Variants in STOML2 observed in about 807,000 individuals in gnomAD.
The protein encoded by STOML2 is stomatin-like protein 2, mitochondrial.
STOML2 carries 22 observed loss-of-function variants against 45.7 expected under a neutral mutation model. The observed-to-expected ratio is 0.48, with a 90% CI of 0.34 to 0.69. STOML2 has a LOEUF of 0.69. Among genes scored for constraint, STOML2 ranks in the 30% least tolerant of loss-of-function variants. The probability of loss-of-function intolerance (pLI) is 0.01; values close to 1 mark genes in which losing one functional copy is unlikely to be tolerated. For synonymous variants in STOML2, 181 were observed against 182.7 expected, an observed-to-expected ratio of 0.99 and a Z score of 0.08; for missense variants, 359 against 466.9, an observed-to-expected ratio of 0.77 and a Z score of 2.13.
chr9:35,100,059 T>C lies in STOML2; in HGVS notation c.1047A>G (p.Glu349=), dbSNP rs1265630733. The C allele has an allele frequency of 1.2e-6, 2 of 1,614,076 alleles. No individual in the cohort carries two copies. The highest frequency in any genetic ancestry group is 2.7e-5 in the African/African-American group (2 of 74,932). ...VQGTDASLDE[E]LDRVKMS The stretch of plus-strand genomic sequence containing the variant: ...ACTAACTCATCTTGACTCGATCAAG[T>C]TCCTCATCAAGACTTGCATCTGTAC... The change falls in exon 10 of 10, where the codon GAA becomes GAG. Residue 349 remains glutamate, a synonymous_variant. Transcript: ENST00000356493.
chr9:35,101,518 G>C lies in STOML2; in HGVS notation c.487C>G (p.Gln163Glu). Residue 163 changes from glutamine to glutamate, a missense_variant, in exon 6 of 10, where the codon CAA (glutamine) becomes GAA (glutamate). This residue lies in a region of STOML2 where 285 missense variants were observed against 422.0 expected (regional missense o/e 0.68). Coordinates refer to ENST00000356493, the MANE Select transcript of STOML2 (RefSeq NM_013442.3). This position sits in a 1 kb window ranked among gnomAD's most constrained non-coding sequence, Gnocchi z 4.3. Reference sequence around the variant, plus strand: ...CGGATACCCCAGCAGTCAGCAGCTTGGTTGATGGCATCCACAATGCTGGCA... The same window carrying C: ...CGGATACCCCAGCAGTCAGCAGCTTCGTTGATGGCATCCACAATGCTGGCA... Reference protein sequence around the residue: ...LNASIVDAINQAADCWGIRCL... With the variant: ...LNASIVDAINEAADCWGIRCL... The C allele has an allele frequency of 6.2e-7, 1 of 1,614,104 alleles. No individual in the cohort carries two copies. The highest frequency in any genetic ancestry group is 8.5e-7 in the Non-Finnish European group (1 of 1,180,032).
chr9:35,100,657 C>T lies in STOML2; in HGVS notation c.874G>A (p.Asp292Asn), dbSNP rs930593352. 6.2e-7 allele frequency: 1 copy of T among 1,614,122 alleles called. No individual in the cohort carries two copies. The highest frequency in any genetic ancestry group is 8.5e-7 in the Non-Finnish European group (1 of 1,180,030). ...GAGGGCAGTAGGATAGTGTTGGAGT[C>T]CTTGGCCAGTTTGGAGAACGCGCTG... ...YVSAFSKLAK[D>N]SNTILLPSNP... Residue 292 changes from aspartate (D) to asparagine (N), a missense_variant, in exon 9 of 10, where the codon GAC becomes AAC. Asp to Asn is a conservative substitution (Grantham distance 23, BLOSUM62 1). Coordinates refer to ENST00000356493, the MANE Select transcript of STOML2 (RefSeq NM_013442.3).
At position 35,102,225 on chromosome 9, in the gene STOML2, G is replaced by A; in HGVS notation, c.184-31C>T. The A allele has an allele frequency of 3.1e-6, 5 of 1,595,742 alleles. No individual in the cohort carries two copies. The highest frequency in any genetic ancestry group is 4.3e-6 in the Non-Finnish European group (5 of 1,164,508). ...AAGAGGAGTCATGGGTCCTCAGAAG[G>A]CTGGGAACTATTGGGTTGGGACCTA... is the stretch of plus-strand genomic sequence containing the variant. On this transcript the variant is annotated intron_variant, in intron 2 of 9. Coordinates refer to ENST00000356493, the MANE Select transcript of STOML2 (RefSeq NM_013442.3). This position sits in a 1 kb window ranked among gnomAD's most constrained non-coding sequence, Gnocchi z 4.8.
Position 35,102,768 on chromosome 9 carries a change from C to T in STOML2, c.101G>A (p.Arg34Gln), listed in dbSNP as rs145420701. 3.3e-5 allele frequency: 53 copies of T among 1,613,964 alleles called. No homozygotes were observed. Among genetic ancestry groups the T allele is most frequent in the Non-Finnish European group, 4.2e-5 (49 of 1,180,032 alleles). The change falls in exon 2 of 10, where the codon CGA becomes CAA. Residue 34 changes from arginine (R) to glutamine (Q), a missense_variant. Around this residue, in one of 2 missense-constraint regions of STOML2, gnomAD observed 285 missense variants for 422.0 expected, o/e 0.68. Transcript: ENST00000356493. The surrounding 1 kb of genome is among the most constrained non-coding windows in gnomAD (Gnocchi z 4.8). ...CGGCACGAACAGTACCACGGTGTTTCGGGGCAATCCAGAGGAGGCGCGGCG... is the reference window on the plus strand; with the variant it reads ...CGGCACGAACAGTACCACGGTGTTTTGGGGCAATCCAGAGGAGGCGCGGCG... ...APRRASSGLPRNTVVLFVPQQ... is the reference protein window; with the variant it reads ...APRRASSGLPQNTVVLFVPQQ...
chr9:35,100,772 A>G, intron 8 of STOML2, 46 bp from the exon 9 acceptor site: 3 of 1,613,944 alleles, frequency 1.9e-6, no homozygotes, highest in Non-Finnish European at 2.5e-6. Flanking sequence ...GATACGGAGA[A>G]GAAGGGGGGG....
rs1829851681 is a variant in STOML2 at position 35,102,777 on chromosome 9, C to T, written c.92G>A (p.Gly31Glu). Reference sequence around the variant, plus strand: ...CAGTACCACGGTGTTTCGGGGCAATCCAGAGGAGGCGCGGCGCGGAGCGCG... The same window carrying T: ...CAGTACCACGGTGTTTCGGGGCAATTCAGAGGAGGCGCGGCGCGGAGCGCG... The part of the protein sequence containing the change: ...SGRAPRRASS[G>E]LPRNTVVLFV... Residue 31 changes from glycine to glutamate, a missense_variant, in exon 2 of 10, where the codon GGA becomes GAA. By Grantham distance (98) the Gly-to-Glu change is moderately conservative. Around this residue, in one of 2 missense-constraint regions of STOML2, gnomAD observed 74 missense variants for 45.0 expected, o/e 1.65. Coordinates refer to ENST00000356493, the MANE Select transcript of STOML2 (RefSeq NM_013442.3). The surrounding 1 kb of genome is among the most constrained non-coding windows in gnomAD (Gnocchi z 4.8). 3 of 1,614,110 alleles carry T rather than the reference C, an allele frequency of 1.9e-6. No homozygotes were observed. Among genetic ancestry groups the T allele is most frequent in the Non-Finnish European group, 1.7e-6 (2 of 1,180,026 alleles).
chr9:35,101,562 T>C lies in STOML2; in HGVS notation c.445-2A>G, dbSNP rs769837253. ...GCTGGCATTCAGGGACTCCCGTTCC[T>C]GGAAAAAGAGGTGTAAGCCCCACAG... On this transcript the variant is annotated splice_acceptor_variant, in intron 5 of 9. Coordinates refer to ENST00000356493, the MANE Select transcript of STOML2 (RefSeq NM_013442.3). LOFTEE classifies it high-confidence loss of function. The surrounding 1 kb of genome is among the most constrained non-coding windows in gnomAD (Gnocchi z 4.3). 6.2e-7 allele frequency: 1 copy of C among 1,614,038 alleles called. No homozygotes were observed. Among genetic ancestry groups the C allele is most frequent in the Non-Finnish European group, 8.5e-7 (1 of 1,180,022 alleles).
In STOML2 at chr9:35,101,409, C is replaced by T. The variant is rs761904987; in HGVS notation, c.579+17G>A. ...GAGCACCCTGAGGCCCTTTTCCCACCCCTCCTTGGCCCCCACCTGCATCTG... is the reference window on the plus strand; with the variant it reads ...GAGCACCCTGAGGCCCTTTTCCCACTCCTCCTTGGCCCCCACCTGCATCTG... On this transcript the variant is annotated intron_variant, in intron 6 of 9. Coordinates refer to ENST00000356493, the MANE Select transcript of STOML2 (RefSeq NM_013442.3). The surrounding 1 kb of genome is among the most constrained non-coding windows in gnomAD (Gnocchi z 4.3). 1.9e-6 allele frequency: 3 copies of T among 1,614,004 alleles called. No individual in the cohort carries two copies. In the East Asian group the frequency reaches 6.7e-5, roughly 36 times the overall value.
In STOML2 at chr9:35,101,254, G is replaced by A; in HGVS notation, c.605C>T (p.Ala202Val). 1 of 1,614,108 alleles carries A rather than the reference G, an allele frequency of 6.2e-7. No homozygotes were observed. Among genetic ancestry groups the A allele is most frequent in the Non-Finnish European group, 8.5e-7 (1 of 1,180,044 alleles). Residue 202 changes from alanine to valine, a missense_variant, in exon 7 of 10, where the codon GCC (alanine) becomes GTC (valine). Coordinates refer to ENST00000356493, the MANE Select transcript of STOML2 (RefSeq NM_013442.3). The surrounding 1 kb of genome is among the most constrained non-coding windows in gnomAD (Gnocchi z 4.3). ...GGTCCCCTCAGACTCTAGAACTGTG[G>A]CCCGTTTCCGCCGCTCTGCCTCCAC... ...MQVEAERRKR[A>V]TVLESEGTRE...
chr9:35,100,916 C>A lies in STOML2; in HGVS notation c.804+16G>T, dbSNP rs1021015549. The A allele has an allele frequency of 6.2e-7, 1 of 1,614,102 alleles. No individual in the cohort carries two copies. Among genetic ancestry groups the A allele is most frequent in the Non-Finnish European group, 8.5e-7 (1 of 1,180,030 alleles). Reference sequence around the variant, plus strand: ...CTGTCAATTCCTGTCCCCATTCCCACCCAGGGGCCTCTCACATGTTGTGTC... The same window carrying A: ...CTGTCAATTCCTGTCCCCATTCCCAACCAGGGGCCTCTCACATGTTGTGTC... On this transcript the variant is annotated intron_variant, in intron 8 of 9. Coordinates refer to ENST00000356493, the MANE Select transcript of STOML2 (RefSeq NM_013442.3).
chr9:35,101,394 AGGCCCTTTTC>A lies in STOML2; in HGVS notation c.579+22_579+31del, dbSNP rs776528307. 394 of 1,613,652 alleles carry A rather than the reference AGGCCCTTTTC, an allele frequency of 2.4e-4. No individual in the cohort carries two copies. Among genetic ancestry groups the A allele is most frequent in the Non-Finnish European group, 3.2e-4 (376 of 1,179,788 alleles). ...ATCCTCCTGGTACTGGAGCACCCTG[AGGCCCTTTTC>A]CCACCCCTCCTTGGCCCCCACCTGC... is the stretch of plus-strand genomic sequence containing the variant. On this transcript the variant is annotated intron_variant, in intron 6 of 9. Transcript: ENST00000356493. The surrounding 1 kb of genome is among the most constrained non-coding windows in gnomAD (Gnocchi z 4.3).
At chr9:35,100,261 G>A in intron 9 of STOML2, 89 bp from the exon 10 acceptor site, 1 of 1,532,452 alleles carries the variant, frequency 6.5e-7, no homozygotes, top group Non-Finnish European at 8.9e-7. Flanking sequence ...AAGATGGCAT[G>A]GGGGCCAGTA....
At position 35,102,420 on chromosome 9, in the gene STOML2, G is replaced by C. The variant is rs1290714311; in HGVS notation, c.184-226C>G. ...AATGGAGGGGAGAGTCATGAGAATC[G>C]GAGCCAGCAGAATAGCCATCTCTAT... On this transcript the variant is annotated intron_variant, in intron 2 of 9. Coordinates refer to ENST00000356493, the MANE Select transcript of STOML2 (RefSeq NM_013442.3). The surrounding 1 kb of genome is among the most constrained non-coding windows in gnomAD (Gnocchi z 4.8). 3.5e-5 allele frequency: 23 copies of C among 656,104 alleles called. No individual in the cohort carries two copies. In the South Asian group the frequency reaches 4.3e-4, roughly 12 times the overall value. The allele number at this position is 656,104 out of a possible 1,614,324, so 40.6% of individuals were successfully genotyped here.
Position 35,102,514 on chromosome 9 carries a change from G to T in STOML2, c.183+172C>A. 1 of 1,123,258 alleles carries T rather than the reference G, an allele frequency of 8.9e-7. No individual in the cohort carries two copies. Among genetic ancestry groups the T allele is most frequent in the Non-Finnish European group, 1.3e-6 (1 of 790,394 alleles). The allele number at this position is 1,123,258 out of a possible 1,614,324, so 69.6% of individuals were successfully genotyped here. On this transcript the variant is annotated intron_variant, in intron 2 of 9. Coordinates refer to ENST00000356493, the MANE Select transcript of STOML2 (RefSeq NM_013442.3). The surrounding 1 kb of genome is among the most constrained non-coding windows in gnomAD (Gnocchi z 4.8). Reference sequence around the variant, plus strand: ...AAGAATGGGGCCTGTGAGATGCATAGGAAAAGGTGGTAACATGGGGATGAT... The same window carrying T: ...AAGAATGGGGCCTGTGAGATGCATATGAAAAGGTGGTAACATGGGGATGAT...
Position 35,101,615 on chromosome 9 carries a change from C to A in STOML2, c.445-55G>T. ...TCAACCTACCTATCAAGGGCCTACA[C>A]TGAGAAGGGCCTGGGACTGATCTTG... On this transcript the variant is annotated intron_variant, in intron 5 of 9. Transcript: ENST00000356493. This position sits in a 1 kb window ranked among gnomAD's most constrained non-coding sequence, Gnocchi z 4.3. 1 of 1,613,988 alleles carries A rather than the reference C, an allele frequency of 6.2e-7. No individual in the cohort carries two copies. The highest frequency in any genetic ancestry group is 8.5e-7 in the Non-Finnish European group (1 of 1,180,004).
Position 35,102,016 on chromosome 9 carries a change from T to C in STOML2, c.284-54A>G, listed in dbSNP as rs368433324. Reference sequence around the variant, plus strand: ...AGTCAGGCCTCTAGGTCCCAACCAGTTCTTTCTACTAAGCTCTGGATCTAC... The same window carrying C: ...AGTCAGGCCTCTAGGTCCCAACCAGCTCTTTCTACTAAGCTCTGGATCTAC... On this transcript the variant is annotated intron_variant, in intron 3 of 9. Coordinates refer to ENST00000356493, the MANE Select transcript of STOML2 (RefSeq NM_013442.3). This position sits in a 1 kb window ranked among gnomAD's most constrained non-coding sequence, Gnocchi z 4.8. The C allele has an allele frequency of 6.3e-5, 102 of 1,612,208 alleles. 1 individual carries two copies. The highest frequency in any genetic ancestry group is 3.3e-4 in the Middle Eastern group (2 of 6,082).
In STOML2 at chr9:35,102,686, A is replaced by G; in HGVS notation, c.183T>C (p.Pro61=). Residue 61 remains proline, a splice_region_variant and synonymous_variant, in exon 2 of 10, where the codon CCT becomes CCC. Transcript: ENST00000356493. The surrounding 1 kb of genome is among the most constrained non-coding windows in gnomAD (Gnocchi z 4.8). ...AGGGTGGGCAGAAGAGGTTTCTCAC[A>G]GGCTCCAGGATCCGGTGGAATCGGC... ...RMGRFHRILE[P]GLNILIPVLD... The G allele has an allele frequency of 6.2e-7, 1 of 1,612,384 alleles. No individual in the cohort carries two copies. The highest frequency in any genetic ancestry group is 8.5e-7 in the Non-Finnish European group (1 of 1,179,976).
In STOML2 at chr9:35,100,051, C is replaced by G. The variant is rs767682475; in HGVS notation, c.1055G>C (p.Arg352Pro). 6.2e-7 allele frequency: 1 copy of G among 1,614,096 alleles called. No homozygotes were observed. Residue 352 changes from arginine to proline, a missense_variant, in exon 10 of 10, where the codon CGA (arginine) becomes CCA (proline). Arg to Pro is a moderately radical substitution (Grantham distance 103). Coordinates refer to ENST00000356493, the MANE Select transcript of STOML2 (RefSeq NM_013442.3). ...TDASLDEELD[R>P]VKMS ...CCAGCTCCACTAACTCATCTTGACT[C>G]GATCAAGTTCCTCATCAAGACTTGC... is the stretch of plus-strand genomic sequence containing the variant.
At position 35,101,220 on chromosome 9, in the gene STOML2, C is replaced by T. The variant is rs201777310; in HGVS notation, c.639G>A (p.Ser213=). The part of the protein sequence containing the change: ...TVLESEGTRE[S]AINVAEGKKQ... ...TCTTCCCTTCTGCCACATTGATGGC[C>T]GACTCTCGGGTCCCCTCAGACTCTA... The change falls in exon 7 of 10, where the codon TCG becomes TCA. Residue 213 remains serine, a synonymous_variant. Transcript: ENST00000356493. The surrounding 1 kb of genome is among the most constrained non-coding windows in gnomAD (Gnocchi z 4.3). 1.5e-5 allele frequency: 25 copies of T among 1,614,160 alleles called. No individual in the cohort carries two copies. The highest frequency in any genetic ancestry group is 1.3e-4 in the Admixed American group (8 of 60,018).
Sources: allele counts gnomAD v4.1 joint callset, GRCh38; gene constraint gnomAD v4.1.1; regional missense constraint gnomAD v4.1.1; non-coding constraint Gnocchi (gnomAD v3.1); transcripts MANE v1.5; gene names NCBI Gene and HGNC (gene_info 2026-07-23, HGNC 2026-07-21).